The following CCDC146 variants were observed in gnomAD, a reference collection of about 807,000 sequenced individuals.
CCDC146 encodes coiled-coil domain-containing protein 146.
A neutral mutation model predicts 119.3 loss-of-function variants in CCDC146; 92 were observed. The ratio of observed to expected loss-of-function variants is 0.77; its 90% CI spans 0.65 to 0.92. The LOEUF (loss-of-function observed/expected upper bound fraction) is 0.92, where lower values mean the gene tolerates loss of function less well. Among genes scored for constraint, CCDC146 ranks in the 40% least tolerant of loss-of-function variants. The pLI, the probability that CCDC146 is intolerant of heterozygous loss-of-function variation, is 0.00. For synonymous variants in CCDC146, 372 were observed against 371.8 expected (o/e 1.00, Z -0.01); for missense variants, 1,000 against 1,103.0 (o/e 0.91, Z 1.32).
chr7:77,240,062 T>A (rs1792814680), intron 3 of CCDC146, among the ~76,000 whole-genome samples: 1 of 152,176 alleles, frequency 6.6e-6, no homozygotes, highest in Non-Finnish European at 1.5e-5. Context: ...AAAGTTTCTG[T>A]TTTTTCATAG....
chr7:77,238,348 G>C (rs1792778071), intron 3 of CCDC146, among the ~76,000 whole-genome samples: 1 of 152,170 alleles, frequency 6.6e-6, no homozygotes, highest in Non-Finnish European at 1.5e-5. Flanking sequence ...GAAATGCCAT[G>C]CAGTTCTCTG....
intron 1 of CCDC146, among the ~76,000 whole-genome samples, chr7:77,130,872 C>T (rs1224951256): frequency 1.3e-5 from 2 of 150,140 alleles, no homozygotes; most frequent in African/African-American, 2.5e-5. Flanking sequence ...GCTGGGATTA[C>T]AGGCGTGAGC....
At chr7:77,140,382 T>G (rs1790916243) in intron 1 of CCDC146, among the ~76,000 whole-genome samples, 1 of 152,222 alleles carries the variant, frequency 6.6e-6, no homozygotes, top group South Asian at 2.1e-4. Flanking sequence ...AGAAATTTAT[T>G]TCTTACAGTT....
chr7:77,130,395 C>T (rs6962391), intron 1 of CCDC146, among the ~76,000 whole-genome samples: 33,099 of 151,882 alleles, frequency 0.22, 3,990 homozygotes, highest in African/African-American at 0.26. Flanking sequence ...AACTCGCAAG[C>T]GTTGCATGTA....
intron 9 of CCDC146, among the ~76,000 whole-genome samples, chr7:77,273,429 T>C (rs1001113808): frequency 2.0e-5 from 3 of 152,230 alleles, no homozygotes; most frequent in Non-Finnish European, 4.4e-5. Flanking sequence ...TAAAGGGAAG[T>C]TCTTATAAGA....
chr7:77,133,111 C>T (rs959161764), intron 1 of CCDC146, among the ~76,000 whole-genome samples: 2 of 151,254 alleles, frequency 1.3e-5, no homozygotes, highest in Admixed American at 6.6e-5. Context: ...GCAGAGGTTG[C>T]GGTGAACCGA....
At chr7:77,218,752 G>A (rs950513178) in intron 2 of CCDC146, among the ~76,000 whole-genome samples, 1 of 148,356 alleles carries the variant, frequency 6.7e-6, no homozygotes, top group Non-Finnish European at 1.5e-5. Flanking sequence ...TTTATTTTTT[G>A]TAGAGATGGG....
intron 9 of CCDC146, among the ~76,000 whole-genome samples, chr7:77,265,569 A>G (rs941313542): frequency 6.6e-6 from 1 of 152,318 alleles, no homozygotes; most frequent in Admixed American, 6.5e-5. Context: ...TACACACAAA[A>G]AAACAGACTT....
chr7:77,156,865 AT>A (rs1791185532), intron 1 of CCDC146, among the ~76,000 whole-genome samples: 1 of 151,708 alleles, frequency 6.6e-6, no homozygotes, highest in South Asian at 2.1e-4. Flanking sequence ...TGAGCCTTAA[AT>A]TTTATAGACT....
chr7:77,146,709 A>G (rs535894451), intron 1 of CCDC146, among the ~76,000 whole-genome samples: 2 of 152,206 alleles, frequency 1.3e-5, no homozygotes, highest in South Asian at 2.1e-4. Context: ...GTTGAAAATA[A>G]TTTTCTTTAA....
intron 2 of CCDC146, among the ~76,000 whole-genome samples, chr7:77,200,497 A>C (rs1791967508): frequency 6.6e-6 from 1 of 152,258 alleles, no homozygotes; most frequent in African/African-American, 2.4e-5. Flanking sequence ...ATTGTCTTTC[A>C]TCAAAACCAG....
intron 14 of CCDC146, 97 bp downstream of exon 14, chr7:77,280,750 T>C: frequency 1.2e-6 from 1 of 829,370 alleles, no homozygotes; most frequent in Non-Finnish European, 1.9e-6. Context: ...GAGGGAAATG[T>C]GATATTCAGG....
chr7:77,270,576 T>G (rs747710593), intron 9 of CCDC146, among the ~76,000 whole-genome samples: 3 of 152,188 alleles, frequency 2.0e-5, no homozygotes, highest in South Asian at 4.1e-4. Flanking sequence ...TCCAGCCTAT[T>G]TTCCAGATTA....
chr7:77,243,010 T>C (rs1488411145), intron 4 of CCDC146, among the ~76,000 whole-genome samples: 1 of 152,200 alleles, frequency 6.6e-6, no homozygotes, highest in East Asian at 1.9e-4. Context: ...GTGAGATCTA[T>C]ATAAAAAGAA....
At chr7:77,259,397 G>T (rs1324708405) in intron 7 of CCDC146, 2 of 209,774 alleles carry the variant, frequency 9.5e-6, no homozygotes, top group Non-Finnish European at 1.9e-5. Flanking sequence ...TAGTCTAGAA[G>T]TATATCAGCC....
At chr7:77,160,699 A>G (rs1190256397) in intron 1 of CCDC146, among the ~76,000 whole-genome samples, 3 of 152,210 alleles carry the variant, frequency 2.0e-5, no homozygotes, top group South Asian at 4.1e-4. Context: ...TAGATATACA[A>G]TCATGTCATC....
At chr7:77,193,252 T>C (rs539979170) in intron 2 of CCDC146, 1 of 152,380 alleles carries the variant, frequency 6.6e-6, no homozygotes, top group African/African-American at 2.4e-5. Flanking sequence ...GGTGTTCCTC[T>C]ATTTGCCTCT....
At chr7:77,282,083 A>G (rs1171385963) in intron 14 of CCDC146, among the ~76,000 whole-genome samples, 1 of 152,224 alleles carries the variant, frequency 6.6e-6, no homozygotes, top group African/African-American at 2.4e-5. Context: ...AATCACAACC[A>G]GAAATATTCA....
chr7:77,250,804 T>G (rs1379120769), intron 4 of CCDC146, among the ~76,000 whole-genome samples: 1 of 149,998 alleles, frequency 6.7e-6, no homozygotes, highest in African/African-American at 2.4e-5. Context: ...CCAGAGTTCT[T>G]GGATATTCTG....
Sources: gnomAD v4.1 joint callset for allele counts (sites outside exome capture counted in the v4.1 genomes callset) on GRCh38, gnomAD v4.1.1 for gene constraint, MANE v1.5 for transcripts, NCBI Gene and HGNC (gene_info 2026-07-23, HGNC 2026-07-21) for gene names.